Variants in AMBP observed in about 807,000 individuals in gnomAD.
The protein encoded by AMBP is alpha-1-microglobulin/bikunin precursor.
A neutral mutation model predicts 46.3 loss-of-function variants in AMBP; 37 were observed. The ratio of observed to expected loss-of-function variants is 0.80; its 90% CI spans 0.61 to 1.05. The LOEUF (loss-of-function observed/expected upper bound fraction) is 1.05. Among genes scored for constraint, AMBP ranks in the 50% least tolerant of loss-of-function variants. The probability of loss-of-function intolerance (pLI) is 0.00; values close to 1 mark genes in which losing one functional copy is unlikely to be tolerated. For missense variants in AMBP, 475 were observed against 461.2 expected, an observed-to-expected ratio of 1.03 and a Z score of -0.27; for synonymous variants, 174 against 175.9, an observed-to-expected ratio of 0.99 and a Z score of 0.09.
chr9:114,073,982 T>G, intron 4 of AMBP, 54 bp downstream of exon 4: 1 of 1,549,426 alleles, frequency 6.5e-7, no homozygotes, highest in Non-Finnish European at 8.9e-7. Context: ...TGTCCATAAA[T>G]CAATGTCCTC....
chr9:114,062,882 T>G, intron 6 of AMBP, 124 bp from the exon 7 acceptor site: 1 of 912,600 alleles, frequency 1.1e-6, no homozygotes, highest in Non-Finnish European at 1.8e-6. Context: ...ACACAGCTCT[T>G]AGACTGGTTA....
chr9:114,072,658 A>G (rs1846757244), intron 5 of AMBP, among the ~76,000 whole-genome samples: 1 of 152,174 alleles, frequency 6.6e-6, no homozygotes, highest in Non-Finnish European at 1.5e-5. Flanking sequence ...TTTGCCTCCT[A>G]AGAGGTATCT....
chr9:114,068,854 T>C (rs1846717905), intron 6 of AMBP, among the ~76,000 whole-genome samples: 1 of 151,410 alleles, frequency 6.6e-6, no homozygotes, highest in Non-Finnish European at 1.5e-5. Flanking sequence ...CTTTATACTT[T>C]TCTGTGTTCC....
chr9:114,061,053 A>G lies in AMBP; in HGVS notation c.899T>C (p.Ile300Thr). 1 of 1,614,230 alleles carries G rather than the reference A, an allele frequency of 6.2e-7. No homozygotes were observed. The change falls in exon 9 of 10, where the codon ATC becomes ACC. Residue 300 changes from isoleucine to threonine, a missense_variant. By Grantham distance (89) the Ile-to-Thr change is moderately conservative (BLOSUM62 -1). Transcript: ENST00000265132. ...GACAGCATCAAATGCCCAGAGCTGG[A>G]TGAAGGCTCGGCAGGGGCCCCGGAC... ...PIVRGPCRAFIQLWAFDAVKG... is the reference protein window; with the variant it reads ...PIVRGPCRAFTQLWAFDAVKG...
chr9:114,061,543 C>T lies in AMBP; in HGVS notation c.734G>A (p.Ser245Asn). ...GGATGTACCATTATAGAAATACCTG[C>T]TGGTCATTCCCATGCAGGGACCGGC... Reference protein sequence around the residue: ...YSAGPCMGMTSRYFYNGTSMA... With the variant: ...YSAGPCMGMTNRYFYNGTSMA... Residue 245 changes from serine to asparagine, a missense_variant, in exon 8 of 10, where the codon AGC (serine) becomes AAC (asparagine). Transcript: ENST00000265132. 1.2e-6 allele frequency: 2 copies of T among 1,613,200 alleles called. No homozygotes were observed. The highest frequency in any genetic ancestry group is 8.5e-7 in the Non-Finnish European group (1 of 1,179,336).
At chr9:114,061,188 C>A (rs1238595283) in intron 8 of AMBP, 90 bp from the exon 9 acceptor site, 1 of 1,488,252 alleles carries the variant, frequency 6.7e-7, no homozygotes, top group Non-Finnish European at 9.1e-7. Flanking sequence ...GGGCCCTGCT[C>A]ATCTAGAACA....
chr9:114,078,283 A>G lies in AMBP; in HGVS notation c.-74T>C. ...ACAGAAGGGCCACCGCCTCCCTGCAACAGGGCAGCTGTGAACTGAGGCTGG... is the reference window on the plus strand; with the variant it reads ...ACAGAAGGGCCACCGCCTCCCTGCAGCAGGGCAGCTGTGAACTGAGGCTGG... On this transcript the variant is annotated 5_prime_UTR_variant, in exon 1 of 10. Coordinates refer to ENST00000265132, the MANE Select transcript of AMBP (RefSeq NM_001633.4). 7.1e-7 allele frequency: 1 copy of G among 1,414,722 alleles called. No individual in the cohort carries two copies. Among genetic ancestry groups the G allele is most frequent in the Non-Finnish European group, 9.9e-7 (1 of 1,013,428 alleles). The allele number at this position is 1,414,722 out of a possible 1,614,324, so 87.6% of individuals were successfully genotyped here.
intron 2 of AMBP, among the ~76,000 whole-genome samples, chr9:114,076,042 G>A (rs1020070625): frequency 2.0e-5 from 3 of 152,048 alleles, no homozygotes; most frequent in Admixed American, 1.3e-4. Flanking sequence ...TTACTCCCAG[G>A]GCATTGGGGA....
In AMBP at chr9:114,061,105, A is replaced by C. The variant is rs1184017660; in HGVS notation, c.854-7T>G. 1.2e-6 allele frequency: 2 copies of C among 1,613,526 alleles called. No homozygotes were observed. The highest frequency in any genetic ancestry group is 2.7e-5 in the African/African-American group (2 of 75,042). On this transcript the variant is annotated splice_polypyrimidine_tract_variant and splice_region_variant and intron_variant, in intron 8 of 9. Transcript: ENST00000265132. ...ATGGGGAGATTGCAGGCCGCTGTGG[A>C]GTGGAGAGAGGCATGGAACTTGAGA...
Position 114,078,248 on chromosome 9 carries a change from C to A in AMBP, c.-39G>T, listed in dbSNP as rs753511528. Reference sequence around the variant, plus strand: ...TCTGCCTTGGTATATCCCACAGGCTCGGTCTAGCAACAGAAGGGCCACCGC... The same window carrying A: ...TCTGCCTTGGTATATCCCACAGGCTAGGTCTAGCAACAGAAGGGCCACCGC... On this transcript the variant is annotated 5_prime_UTR_variant, in exon 1 of 10. Coordinates refer to ENST00000265132, the MANE Select transcript of AMBP (RefSeq NM_001633.4). 6.3e-7 allele frequency: 1 copy of A among 1,586,442 alleles called. No individual in the cohort carries two copies. The highest frequency in any genetic ancestry group is 8.6e-7 in the Non-Finnish European group (1 of 1,161,446).
At chr9:114,076,463 C>T (rs2567700) in intron 2 of AMBP, 135 bp downstream of exon 2, 7 of 1,271,014 alleles carry the variant, frequency 5.5e-6, no homozygotes, top group Non-Finnish European at 7.5e-6. Flanking sequence ...GGTGGAGGAG[C>T]GTAGAGGGAT....
intron 5 of AMBP, among the ~76,000 whole-genome samples, chr9:114,071,007 C>G (rs1846738979): frequency 6.6e-6 from 1 of 152,190 alleles, no homozygotes; most frequent in Admixed American, 6.5e-5. Context: ...GCCCCAGACA[C>G]CAGCCTGGGC....
At chr9:114,060,780 C>T in intron 9 of AMBP, 145 bp downstream of exon 9, 1 of 990,930 alleles carries the variant, frequency 1.0e-6, no homozygotes, top group Non-Finnish European at 1.5e-6. Context: ...GCCCCAGGCT[C>T]AGCCCCATTT....
At chr9:114,060,884 C>G in intron 9 of AMBP, 41 bp downstream of exon 9, 1 of 1,590,462 alleles carries the variant, frequency 6.3e-7, no homozygotes, top group East Asian at 2.2e-5. Flanking sequence ...TCGACTCCAA[C>G]AGCCCCTCGG....
Position 114,078,155 on chromosome 9 carries a change from C to T in AMBP, c.55G>A (p.Ala19Thr), listed in dbSNP as rs199923796. ...TCGGGCGGCGTTGGCACAGGGCCAG[C>T]GCTCACCGCCAGGCAGGCGCTCAGC... ...LLLSACLAVS[A>T]GPVPTPPDNI... Residue 19 changes from alanine to threonine, a missense_variant, in exon 1 of 10, where the codon GCT becomes ACT. Around this residue, in one of 3 missense-constraint regions of AMBP, gnomAD observed 179 missense variants for 167.4 expected, o/e 1.07. Transcript: ENST00000265132. 4.3e-6 allele frequency: 7 copies of T among 1,613,466 alleles called. No individual in the cohort carries two copies. The highest frequency in any genetic ancestry group is 1.7e-5 in the Admixed American group (1 of 60,008).
intron 9 of AMBP, 89 bp from the exon 10 acceptor site, chr9:114,060,359 T>G (rs1846621447): frequency 7.2e-7 from 1 of 1,394,234 alleles, no homozygotes; most frequent in Non-Finnish European, 1.0e-6. Flanking sequence ...CAGAAACCTC[T>G]GCTTGCTGAA....
rs1364941813 is a variant in AMBP at position 114,072,918 on chromosome 9, T to C, written c.556+7A>G. ...ACAGGAATTTGAGGCGGAGGGGTGC[T>C]ATGTACCTCGGTCAGCCATGGTGAA... On this transcript the variant is annotated splice_region_variant and intron_variant, in intron 5 of 9. Transcript: ENST00000265132. 1.2e-6 allele frequency: 2 copies of C among 1,613,356 alleles called. No homozygotes were observed. Among genetic ancestry groups the C allele is most frequent in the Non-Finnish European group, 1.7e-6 (2 of 1,179,528 alleles).
At chr9:114,060,883 ACAGC>A (rs1846628033) in intron 9 of AMBP, 38 bp downstream of exon 9, 1 of 1,589,724 alleles carries the variant, frequency 6.3e-7, no homozygotes, top group Non-Finnish European at 8.6e-7. Flanking sequence ...CTCGACTCCA[ACAGC>A]CCCTCGGCCC....
At chr9:114,060,369 A>C (rs1369328329) in intron 9 of AMBP, 99 bp from the exon 10 acceptor site, 2 of 1,295,924 alleles carry the variant, frequency 1.5e-6, no homozygotes, top group Non-Finnish European at 2.2e-6. Flanking sequence ...TGCTTGCTGA[A>C]TCATTTATCT....
Sources: gnomAD v4.1 joint callset for allele counts (sites outside exome capture counted in the v4.1 genomes callset) on GRCh38, gnomAD v4.1.1 for gene constraint, gnomAD v4.1.1 regional missense constraint, MANE v1.5 for transcripts, NCBI Gene and HGNC (gene_info 2026-07-23, HGNC 2026-07-21) for gene names.